Variants in EPHB2 observed in about 807,000 individuals in gnomAD.
EPHB2 encodes the protein EPH receptor B2.
EPHB2 carries 18 observed loss-of-function variants against 96.4 expected under a neutral mutation model. The ratio of observed to expected loss-of-function variants is 0.19; its 90% CI spans 0.13 to 0.28. The LOEUF is 0.28. Among genes scored for constraint, EPHB2 ranks in the 10% least tolerant of loss-of-function variants. EPHB2 has a pLI of 1.00. For synonymous variants in EPHB2, 506 were observed against 534.1 expected (o/e 0.95, Z 0.72); for missense variants, 989 against 1,355.4 (o/e 0.73, Z 4.25).
chr1:22,825,887 A>T (rs1029808424), intron 3 of EPHB2, among the ~76,000 whole-genome samples: 1 of 152,096 alleles, frequency 6.6e-6, no homozygotes, highest in Non-Finnish European at 1.5e-5. Context: ...GTCTGGGGGG[A>T]TGCTGGCTGG....
chr1:22,710,936 G>C lies in EPHB2; in HGVS notation c.-47G>C, dbSNP rs1643119069. On this transcript the variant is annotated 5_prime_UTR_variant, in exon 1 of 16. Transcript: ENST00000374630. ...CGGGGCGCGCGCTCCCGCCCGGGCC[G>C]TCCGGGCCCCGCGGCGCCGCGGCCC... The C allele has an allele frequency of 6.7e-6, 1 of 149,662 alleles. No individual in the cohort carries two copies. The highest frequency in any genetic ancestry group is 6.6e-5 in the Admixed American group (1 of 15,216). The allele number at this position is 149,662 out of a possible 1,614,324, so 9.3% of individuals were successfully genotyped here. A position where few individuals can be genotyped will look rare whatever the true frequency, so the allele number is the denominator to read the frequency against.
In EPHB2 at chr1:22,913,139, G is replaced by A. The variant is rs749304499; in HGVS notation, c.2853-323G>A. The A allele has an allele frequency of 3.1e-5, 13 of 416,044 alleles. No homozygotes were observed. The highest frequency in any genetic ancestry group is 1.0e-4 in the African/African-American group (5 of 49,282). 25.8% of individuals were successfully genotyped at this position (416,044 alleles called of 1,614,324 possible). On this transcript the variant is annotated intron_variant, in intron 15 of 15. Coordinates refer to ENST00000374630, the MANE Select transcript of EPHB2 (RefSeq NM_017449.5). The surrounding 1 kb of genome is among the most constrained non-coding windows in gnomAD (Gnocchi z 4.1). ...ACCAAGGAGGTAGAGGTTGCAGTGA[G>A]CTGAGATCACGCCACTGCACACCAG... is the stretch of plus-strand genomic sequence containing the variant.
At chr1:22,782,982 G>A (rs1644556521) in intron 2 of EPHB2, among the ~76,000 whole-genome samples, 1 of 152,150 alleles carries the variant, frequency 6.6e-6, no homozygotes, top group Admixed American at 6.5e-5. Flanking sequence ...CCACTTGAGG[G>A]TGACACCTCT....
rs1011835179 is a variant in EPHB2, at chr1:22,912,816, C to T, written c.2852+217C>T. On this transcript the variant is annotated intron_variant, in intron 15 of 15. Coordinates refer to ENST00000374630, the MANE Select transcript of EPHB2 (RefSeq NM_017449.5). ...TGTGACCTTGGTCAAATCATAGCAC[C>T]TCCCTCAGCCTCCGTTTTCTCACCT... The T allele has an allele frequency of 3.9e-4, 239 of 612,500 alleles. 2 individuals carry two copies. Among genetic ancestry groups the T allele is most frequent in the Non-Finnish European group, 6.8e-5 (23 of 339,302 alleles). The allele number at this position is 612,500 out of a possible 1,614,324, so 37.9% of individuals were successfully genotyped here. A position where few individuals can be genotyped will look rare whatever the true frequency, so the allele number is the denominator to read the frequency against.
At chr1:22,861,239 G>A (rs2148521429) in intron 3 of EPHB2, among the ~76,000 whole-genome samples, 1 of 152,282 alleles carries the variant, frequency 6.6e-6, no homozygotes, top group Non-Finnish European at 1.5e-5. Flanking sequence ...ACACAGGTGG[G>A]TCTGGGTTTG....
chr1:22,872,316 G>A (rs912801715), intron 5 of EPHB2, among the ~76,000 whole-genome samples: 1 of 152,082 alleles, frequency 6.6e-6, no homozygotes, highest in Non-Finnish European at 1.5e-5. Context: ...TTGACTCTCT[G>A]CTGGGAAAGG....
At chr1:22,719,226 G>C (rs773984487) in intron 1 of EPHB2, among the ~76,000 whole-genome samples, 19 of 152,110 alleles carry the variant, frequency 1.2e-4, no homozygotes, top group Non-Finnish European at 2.6e-4. Context: ...CAGCCATCCT[G>C]AAAGGGGCAG....
At chr1:22,909,237 T>C (rs1640013749) in intron 13 of EPHB2, 66 bp downstream of exon 13, 3 of 1,611,680 alleles carry the variant, frequency 1.9e-6, no homozygotes, top group South Asian at 2.2e-5. Flanking sequence ...AGATCGGGGC[T>C]CCTGGCCTTG....
Position 22,906,932 on chromosome 1 carries a change from A to G in EPHB2, c.2111A>G (p.Asn704Ser), listed in dbSNP as rs1454961505. Residue 704 changes from asparagine (N) to serine (S), a missense_variant, in exon 11 of 16, where the codon AAT becomes AGT. Coordinates refer to ENST00000374630, the MANE Select transcript of EPHB2 (RefSeq NM_017449.5). This position sits in a 1 kb window ranked among gnomAD's most constrained non-coding sequence, Gnocchi z 4.8. ...ATGATCATCACCGAGTTCATGGAGA[A>G]TGGCTCCCTGGACTCCTTTCTCCGG... ...PVMIITEFME[N>S]GSLDSFLRQN... is the part of the protein sequence containing the mutation. The G allele has an allele frequency of 1.2e-6, 2 of 1,612,368 alleles. No individual in the cohort carries two copies. The highest frequency in any genetic ancestry group is 1.7e-6 in the Non-Finnish European group (2 of 1,178,638).
At chr1:22,782,512 G>A (rs532113059) in intron 2 of EPHB2, among the ~76,000 whole-genome samples, 33 of 149,004 alleles carry the variant, frequency 2.2e-4, no homozygotes, top group African/African-American at 4.2e-4. Flanking sequence ...GGGTCAGGCC[G>A]CTTTCTGTGG....
chr1:22,750,076 C>T (rs1644039440), intron 1 of EPHB2, among the ~76,000 whole-genome samples: 1 of 152,180 alleles, frequency 6.6e-6, no homozygotes, highest in South Asian at 2.1e-4. Flanking sequence ...TATATTCTTA[C>T]TTGGCAGATG....
chr1:22,757,268 C>T (rs12120875), intron 1 of EPHB2, among the ~76,000 whole-genome samples: 140,606 of 151,812 alleles, frequency 0.93, 66,076 homozygotes, highest in East Asian at 1. Context: ...CCCAGCCTCA[C>T]TGGGGAGACC....
In EPHB2 at chr1:22,913,459, A is replaced by G; in HGVS notation, c.2853-3A>G. On this transcript the variant is annotated splice_region_variant and splice_polypyrimidine_tract_variant and intron_variant, in intron 15 of 15. Transcript: ENST00000374630. This position sits in a 1 kb window ranked among gnomAD's most constrained non-coding sequence, Gnocchi z 4.1. ...CCCTAACACACGTGCTTCTCTCCCA[A>G]AGGGACATTCTCCGGGTTGGGGTCA... The G allele has an allele frequency of 6.2e-7, 1 of 1,614,124 alleles. No homozygotes were observed. The highest frequency in any genetic ancestry group is 8.5e-7 in the Non-Finnish European group (1 of 1,180,016).
rs548794232 is a variant in EPHB2 at position 22,781,299 on chromosome 1, G to T, written c.62-122G>T. On this transcript the variant is annotated intron_variant, in intron 1 of 15. Transcript: ENST00000374630. ...CACACCACTGCACTCCAGCCTGGGC[G>T]ACAGAGCCAGACTCCGTCTAAAAAA... 423 of 991,536 alleles carry T rather than the reference G, an allele frequency of 4.3e-4. 1 individual carries two copies. Among genetic ancestry groups the T allele is most frequent in the Admixed American group, 1.8e-3 (81 of 45,634 alleles). 61.4% of individuals were successfully genotyped at this position (991,536 alleles called of 1,614,324 possible). A position where few individuals can be genotyped will look rare whatever the true frequency, so the allele number is the denominator to read the frequency against.
At chr1:22,794,280 G>A (rs1299655596) in intron 3 of EPHB2, among the ~76,000 whole-genome samples, 6 of 152,096 alleles carry the variant, frequency 3.9e-5, no homozygotes, top group Non-Finnish European at 5.9e-5. Context: ...AGGAGACCCG[G>A]GTCTGGGCCT....
At chr1:22,817,731 A>G (rs1645094506) in intron 3 of EPHB2, among the ~76,000 whole-genome samples, 1 of 152,218 alleles carries the variant, frequency 6.6e-6, no homozygotes, top group East Asian at 1.9e-4. Context: ...CCTGGTCCCC[A>G]TAGACACTCT....
intron 7 of EPHB2, 148 bp downstream of exon 7, chr1:22,893,194 C>T (rs568553899): frequency 1.6e-6 from 2 of 1,243,030 alleles, no homozygotes; most frequent in Non-Finnish European, 2.3e-6. Flanking sequence ...TAATTTCGAA[C>T]CTTTGTGCAC....
intron 1 of EPHB2, among the ~76,000 whole-genome samples, chr1:22,732,381 G>A (rs756668596): frequency 1.9e-4 from 29 of 151,452 alleles, no homozygotes; most frequent in South Asian, 2.1e-4. Context: ...TTGGGGAAGC[G>A]CGTGGGGGGC....
intron 1 of EPHB2, among the ~76,000 whole-genome samples, chr1:22,754,966 G>T (rs1644126296): frequency 7.5e-6 from 1 of 133,410 alleles, no homozygotes; most frequent in South Asian, 2.7e-4. Context: ...GGCAGGAGAG[G>T]TGAGCCGAAG....
Sources: allele counts gnomAD v4.1 joint callset (sites outside exome capture counted in the v4.1 genomes callset), GRCh38; gene constraint gnomAD v4.1.1; non-coding constraint Gnocchi (gnomAD v3.1); transcripts MANE v1.5; gene names NCBI Gene and HGNC (gene_info 2026-07-23, HGNC 2026-07-21).